NRG1: variants seen among roughly 807,000 people sequenced by gnomAD.
NRG1 encodes the protein neuregulin 1, also known as pro-neuregulin-1, membrane-bound isoform.
In NRG1, 18 loss-of-function variants were observed where a neutral mutation model predicts 63.8. The ratio of observed to expected loss-of-function variants is 0.28; its 90% confidence interval spans 0.19 to 0.42. NRG1 has a LOEUF of 0.42. Among genes scored for constraint, NRG1 ranks in the 10% least tolerant of loss-of-function variants. The probability of loss-of-function intolerance (pLI) is 1.00; values close to 1 mark genes in which losing one functional copy is unlikely to be tolerated. For missense variants in NRG1, 762 were observed against 814.7 expected, an observed-to-expected ratio of 0.94 and a Z score of 0.79; for synonymous variants, 302 against 301.3, an observed-to-expected ratio of 1.00 and a Z score of -0.02.
At chr8:31,703,698 T>C (rs1004596395) in intron 1 of NRG1, among the ~76,000 whole-genome samples, 1 of 152,196 alleles carries the variant, frequency 6.6e-6, no homozygotes, top group African/African-American at 2.4e-5. Context: ...AACTGGTCTG[T>C]AGACCTGAAA....
Position 32,642,316 on chromosome 8 carries a change from G to A in NRG1, c.502+25431G>A, listed in dbSNP as rs966534476. Among the ~76,000 whole-genome samples, 8 of 152,330 alleles carry A rather than the reference G, an allele frequency of 5.3e-5. No individual in the cohort carries two copies. In the East Asian group the frequency reaches 1.5e-3, roughly 29 times the overall value. On this transcript the variant is annotated intron_variant, in intron 5 of 11. Coordinates refer to ENST00000356819, the Ensembl canonical transcript of NRG1. ...AGTTTGGGACAATCAAATACTGATAGTCTTTGCCTTCAAATAAATTGCATT... is the reference window on the plus strand; with the variant it reads ...AGTTTGGGACAATCAAATACTGATAATCTTTGCCTTCAAATAAATTGCATT...
At chr8:32,004,362 G>T (rs934640140) in intron 1 of NRG1, among the ~76,000 whole-genome samples, 20 of 151,816 alleles carry the variant, frequency 1.3e-4, no homozygotes, top group Admixed American at 3.9e-4. Flanking sequence ...ACTCATAAAA[G>T]TGCACAACAC....
intron 1 of NRG1, among the ~76,000 whole-genome samples, chr8:32,086,975 A>G (rs944164942): frequency 3.3e-5 from 5 of 152,196 alleles, no homozygotes; most frequent in Admixed American, 2.0e-4. Context: ...AGGACGTTTC[A>G]TAGAAGATCT....
intron 1 of NRG1, among the ~76,000 whole-genome samples, chr8:32,392,609 A>G (rs1369693357): frequency 6.6e-6 from 1 of 152,176 alleles, no homozygotes; most frequent in Non-Finnish European, 1.5e-5. Flanking sequence ...TGTATTTTAT[A>G]TGAAAGATTC....
chr8:32,378,131 G>A (rs994590719), intron 1 of NRG1, among the ~76,000 whole-genome samples: 3 of 152,118 alleles, frequency 2.0e-5, no homozygotes, highest in African/African-American at 7.2e-5. Flanking sequence ...GCTGGTTTGA[G>A]AGATATTTAG....
At chr8:32,348,582 G>T (rs1475760192) in intron 1 of NRG1, among the ~76,000 whole-genome samples, 1 of 152,088 alleles carries the variant, frequency 6.6e-6, no homozygotes, top group East Asian at 1.9e-4. Context: ...ATAACATAAA[G>T]AAAAATCCTT....
chr8:32,665,989 C>T (rs1340592569), intron 5 of NRG1, among the ~76,000 whole-genome samples: 1 of 152,166 alleles, frequency 6.6e-6, no homozygotes, highest in African/African-American at 2.4e-5. Flanking sequence ...AATTAAAGCT[C>T]ATTCAGTATG....
At chr8:32,337,384 G>T (rs1300017534) in intron 1 of NRG1, among the ~76,000 whole-genome samples, 2 of 152,040 alleles carry the variant, frequency 1.3e-5, no homozygotes, top group African/African-American at 4.8e-5. Context: ...TGAGTCTGTG[G>T]CAGTGTCTGG....
chr8:31,893,243 C>T (rs1451945142), intron 1 of NRG1, among the ~76,000 whole-genome samples: 1 of 150,960 alleles, frequency 6.6e-6, no homozygotes, highest in African/African-American at 2.4e-5. Flanking sequence ...AACTGGATAA[C>T]TATTTGAAAA....
chr8:32,529,216 C>G (rs2129516942), intron 1 of NRG1, among the ~76,000 whole-genome samples: 1 of 152,222 alleles, frequency 6.6e-6, no homozygotes, highest in East Asian at 1.9e-4. Flanking sequence ...CTAAACATAT[C>G]TAAACATAGA....
chr8:32,469,939 G>A (rs1234643839), intron 1 of NRG1, among the ~76,000 whole-genome samples: 2 of 152,060 alleles, frequency 1.3e-5, no homozygotes, highest in Admixed American at 6.6e-5. Context: ...CTCACTGCAA[G>A]CTCCGTCTCC....
intron 1 of NRG1, among the ~76,000 whole-genome samples, chr8:32,333,151 G>GT (rs1802852410): frequency 6.6e-6 from 1 of 152,090 alleles, no homozygotes; most frequent in Non-Finnish European, 1.5e-5. Context: ...AAATCTATGT[G>GT]TTTTTTCTAT....
intron 1 of NRG1, among the ~76,000 whole-genome samples, chr8:31,766,460 G>T (rs1818069638): frequency 6.6e-6 from 1 of 152,152 alleles, no homozygotes; most frequent in Non-Finnish European, 1.5e-5. Context: ...ATGTTCCTAT[G>T]GGAAGCTGGA....
chr8:31,771,405 C>A (rs1283692043), intron 1 of NRG1, among the ~76,000 whole-genome samples: 1 of 152,064 alleles, frequency 6.6e-6, no homozygotes, highest in African/African-American at 2.4e-5. Context: ...TTTTTTCCCC[C>A]AATTTGGGGC....
intron 1 of NRG1, among the ~76,000 whole-genome samples, chr8:32,004,252 T>A (rs1314345037): frequency 3.3e-5 from 5 of 151,534 alleles, no homozygotes. Flanking sequence ...GGGCAGTGGA[T>A]GGGGAGGGAA....
chr8:32,771,377 C>T (rs1192942062), downstream of NRG1, among the ~76,000 whole-genome samples: 5 of 149,180 alleles, frequency 3.4e-5, no homozygotes, highest in African/African-American at 9.9e-5. Flanking sequence ...CCTCCTGCCT[C>T]GGCCTCCCAA....
At position 32,540,075 on chromosome 8, in the gene NRG1, T is replaced by TTTGTTGTTG. The variant is rs149306385; in HGVS notation, c.38-55738_38-55730dup. Among the ~76,000 whole-genome samples the TTTGTTGTTG allele has an allele frequency of 8.0e-4, 122 of 152,034 alleles. 1 individual carries two copies. The highest frequency in any genetic ancestry group is 2.7e-3 in the African/African-American group (113 of 41,472). On this transcript the variant is annotated intron_variant, in intron 1 of 10. Coordinates refer to the NRG1 transcript ENST00000519301. Reference sequence around the variant, plus strand: ...GTAAAGGAAGGGTCAAAAGAAAGGTTTTGTTGTTGTTGTTGTTGTTGTTAT... The same window carrying TTTGTTGTTG: ...GTAAAGGAAGGGTCAAAAGAAAGGTTTTGTTGTTGTTGTTGTTGTTGTTGTTGTTGTTAT...
At chr8:32,759,608 A>T (rs1830331467) in intron 10 of NRG1, among the ~76,000 whole-genome samples, 172 bp downstream of exon 10, 1 of 152,192 alleles carries the variant, frequency 6.6e-6, no homozygotes, top group African/African-American at 2.4e-5. Flanking sequence ...TTGAACCTCA[A>T]TTAGGTAACT....
intron 1 of NRG1, among the ~76,000 whole-genome samples, chr8:32,066,453 C>T (rs1824832719): frequency 1.3e-5 from 2 of 152,136 alleles, no homozygotes; most frequent in African/African-American, 4.8e-5. Context: ...AATCCTTTCC[C>T]CATTTTCTTG....
Sources: allele counts gnomAD v4.1 joint callset (sites outside exome capture counted in the v4.1 genomes callset), GRCh38; gene constraint gnomAD v4.1.1; transcripts MANE v1.5; gene names NCBI Gene and HGNC (gene_info 2026-07-23, HGNC 2026-07-21).